The following FAT3 variants were observed in gnomAD, a reference collection of about 807,000 sequenced individuals.
FAT3 encodes FAT atypical cadherin 3, also known as protocadherin Fat 3.
A neutral mutation model predicts 310.2 loss-of-function variants in FAT3; 95 were observed. The ratio of observed to expected loss-of-function variants is 0.31; its 90% CI spans 0.26 to 0.36. The LOEUF (loss-of-function observed/expected upper bound fraction) is 0.36. Ranked by LOEUF, FAT3 falls within the 10% of genes least tolerant of loss-of-function variation. The pLI is 1.00. For missense variants in FAT3, 5,408 were observed against 5,715.6 expected, an observed-to-expected ratio of 0.95 and a Z score of 1.74; for synonymous variants, 2,314 against 2,192.9, an observed-to-expected ratio of 1.06 and a Z score of -1.54.
rs1448425486 is a variant in FAT3 at position 92,842,609 on chromosome 11, C to T, written c.10567-1325C>T. 3.9e-5 allele frequency among the ~76,000 whole-genome samples: 6 copies of T among 152,228 alleles called. No homozygotes were observed. In the East Asian group the frequency reaches 1.2e-3, roughly 29 times the overall value. On this transcript the variant is annotated intron_variant, in intron 18 of 27. Coordinates refer to ENST00000525166, the MANE Select transcript of FAT3 (RefSeq NM_001367949.2). ...AACAACAGATGGACACAGTGGCTCACACCTGTAATCCCAGTACTTTGGTAG... is the reference window on the plus strand; with the variant it reads ...AACAACAGATGGACACAGTGGCTCATACCTGTAATCCCAGTACTTTGGTAG...
Position 92,837,987 on chromosome 11 carries a change from C to T in FAT3, c.10368+181C>T, listed in dbSNP as rs144447594. ...GATGATTAATAAATGTGAGTAAGAGCTATTGAGGGGTGGATTTTTTTCAAC... is the reference window on the plus strand; with the variant it reads ...GATGATTAATAAATGTGAGTAAGAGTTATTGAGGGGTGGATTTTTTTCAAC... On this transcript the variant is annotated intron_variant, in intron 17 of 27. Transcript: ENST00000525166. 7.9e-5 allele frequency among the ~76,000 whole-genome samples: 12 copies of T among 152,242 alleles called. No homozygotes were observed. In the South Asian group the frequency reaches 1.9e-3, roughly 24 times the overall value.
chr11:92,845,915 G>A (rs954235086), intron 19 of FAT3, among the ~76,000 whole-genome samples: 1 of 152,150 alleles, frequency 6.6e-6, no homozygotes, highest in Non-Finnish European at 1.5e-5. Context: ...GCCCATCAGT[G>A]TGCCAGCTGC....
intron 2 of FAT3, among the ~76,000 whole-genome samples, chr11:92,402,477 C>G (rs577094274): frequency 6.6e-6 from 1 of 152,124 alleles, no homozygotes; most frequent in South Asian, 2.1e-4. Flanking sequence ...CACCTGTGAT[C>G]CCAACACTTT....
chr11:92,682,346 G>C (rs1943504129), intron 3 of FAT3, among the ~76,000 whole-genome samples: 1 of 152,190 alleles, frequency 6.6e-6, no homozygotes, highest in African/African-American at 2.4e-5. Flanking sequence ...AAAGCTGTGA[G>C]TTTTTAGAAG....
At chr11:92,463,418 C>T (rs1290763766) in intron 2 of FAT3, among the ~76,000 whole-genome samples, 1 of 152,108 alleles carries the variant, frequency 6.6e-6, no homozygotes, top group African/African-American at 2.4e-5. Flanking sequence ...CGTCTGTAAC[C>T]CTGGGAAACA....
Position 92,806,455 on chromosome 11 carries a change from TA to T in FAT3, c.9188del (p.Tyr3063LeufsTer16). Reference sequence around the variant, plus strand: ...GGATGCTGATATTGGATCCAATGGATATATACGATACTCACTCTATGGATCT... The same window carrying T: ...GGATGCTGATATTGGATCCAATGGATTATACGATACTCACTCTATGGATCT... ...AKDADIGSNGYIRYSLYGSGN... is the reference protein window; with the variant it reads ...AKDADIGSNGXIRYSLYGSGN... On this transcript the variant is annotated frameshift_variant, in exon 12 of 28. Transcript: ENST00000525166. LOFTEE classifies it high-confidence loss of function. 1 of 1,577,966 alleles carries T rather than the reference TA, an allele frequency of 6.3e-7. No individual in the cohort carries two copies. The highest frequency in any genetic ancestry group is 8.6e-7 in the Non-Finnish European group (1 of 1,159,908).
At position 92,256,479 on chromosome 11, in the gene FAT3, C is replaced by T. The variant is rs963803879; in HGVS notation, c.-18+31305C>T. Among the ~76,000 whole-genome samples, 9 of 151,472 alleles carry T rather than the reference C, an allele frequency of 5.9e-5. No individual in the cohort carries two copies. The East Asian group carries it at 7.8e-4, about 13-fold the overall frequency. ...ACACTGTGGGTCATAAGATAAAATT[C>T]GAGTTATTAATATTATGAACAAATA... On this transcript the variant is annotated intron_variant, in intron 1 of 27. Transcript: ENST00000525166.
intron 21 of FAT3, 41 bp downstream of exon 21, chr11:92,859,363 T>C (rs1386635931): frequency 6.7e-7 from 1 of 1,481,544 alleles, no homozygotes; most frequent in Non-Finnish European, 9.1e-7. Flanking sequence ...TCAGTTCTCA[T>C]GTTAGTGTTT....
At chr11:92,292,666 A>T (rs1414464913) in intron 1 of FAT3, among the ~76,000 whole-genome samples, 1 of 152,090 alleles carries the variant, frequency 6.6e-6, no homozygotes, top group Admixed American at 6.6e-5. Flanking sequence ...TATTTAAAAG[A>T]GGCATTTAGG....
At chr11:92,400,169 A>G (rs1949979635) in intron 2 of FAT3, 1 of 152,188 alleles carries the variant, frequency 6.6e-6, no homozygotes, top group African/African-American at 2.4e-5. Context: ...GTTGAAGCTG[A>G]ACTTTTAAAA....
chr11:92,396,913 C>T (rs1040751539), intron 2 of FAT3, among the ~76,000 whole-genome samples: 3 of 151,944 alleles, frequency 2.0e-5, no homozygotes, highest in Non-Finnish European at 2.9e-5. Flanking sequence ...CACCATGTTG[C>T]CCAGGCTGGT....
chr11:92,292,679 T>C (rs761712145), intron 1 of FAT3, among the ~76,000 whole-genome samples: 34 of 152,040 alleles, frequency 2.2e-4, no homozygotes, highest in Non-Finnish European at 4.4e-4. Context: ...CATTTAGGTG[T>C]AAGGTTCAGT....
rs766878907 is a variant in FAT3, at chr11:92,798,603, G to A, written c.5590G>A (p.Glu1864Lys). Residue 1864 changes from glutamate to lysine, a missense_variant, in exon 10 of 28, where the codon GAG becomes AAG. By Grantham distance (56) the Glu-to-Lys change is moderately conservative. This residue lies in a region of FAT3 where 4,588 missense variants were observed against 4,809.8 expected (regional missense o/e 0.95). Coordinates refer to ENST00000525166, the MANE Select transcript of FAT3 (RefSeq NM_001367949.2). Reference sequence around the variant, plus strand: ...CAGTGGTAGCCCCCAACTGACTGCAGAGAGTCCCGTTGAAGTCAACATTGA... The same window carrying A: ...CAGTGGTAGCCCCCAACTGACTGCAAAGAGTCCCGTTGAAGTCAACATTGA... ...RDSGSPQLTA[E>K]SPVEVNIEVT... 4 of 1,613,862 alleles carry A rather than the reference G, an allele frequency of 2.5e-6. No individual in the cohort carries two copies. In the South Asian group the frequency reaches 4.4e-5, roughly 18 times the overall value.
chr11:92,886,722 T>A (rs1949805351), intron 24 of FAT3: 2 of 396,852 alleles, frequency 5.0e-6, no homozygotes, highest in Non-Finnish European at 9.1e-6. Context: ...TTCACTCAGT[T>A]GCTTCACTTC....
At chr11:92,803,816 A>T (rs1482358852) in intron 10 of FAT3, among the ~76,000 whole-genome samples, 1 of 152,168 alleles carries the variant, frequency 6.6e-6, no homozygotes, top group African/African-American at 2.4e-5. Context: ...CCAGTTGAGA[A>T]CCACTGCCCC....
At chr11:92,443,604 A>G (rs574503321) in intron 2 of FAT3, among the ~76,000 whole-genome samples, 95 of 152,296 alleles carry the variant, frequency 6.2e-4, no homozygotes, top group Non-Finnish European at 1.1e-3. Flanking sequence ...TCTGGCAGAA[A>G]GTATGTATTT....
intron 2 of FAT3, among the ~76,000 whole-genome samples, chr11:92,402,363 C>T (rs563311537): frequency 2.0e-5 from 3 of 152,090 alleles, no homozygotes; most frequent in Non-Finnish European, 2.9e-5. Context: ...GCATAAATGA[C>T]GGATAATGTT....
intron 4 of FAT3, among the ~76,000 whole-genome samples, chr11:92,739,958 T>G (rs1403165044): frequency 4.6e-5 from 7 of 152,192 alleles, no homozygotes; most frequent in Admixed American, 4.6e-4. Context: ...CTTGTGGGCC[T>G]GATCTTCTGA....
rs2136410556 is a variant in FAT3 at position 92,882,907 on chromosome 11, G to A, written c.12451G>A (p.Gly4151Arg). The A allele has an allele frequency of 6.2e-7, 1 of 1,612,854 alleles. No homozygotes were observed. Among genetic ancestry groups the A allele is most frequent in the South Asian group, 1.1e-5 (1 of 90,746 alleles). The change falls in exon 24 of 28, where the codon GGG becomes AGG. Residue 4151 changes from glycine (G) to arginine (R), a missense_variant. By Grantham distance (125) the Gly-to-Arg change is moderately radical. Transcript: ENST00000525166. ...PNIQAGHSYV[G>R]KEELIGIAVV... ...TATCCAGGCTGGCCACTCCTACGTG[G>A]GGAAGGAGGAGCTCATCGGCATCGC...
Sources: allele counts gnomAD v4.1 joint callset (sites outside exome capture counted in the v4.1 genomes callset), GRCh38; gene constraint gnomAD v4.1.1; regional missense constraint gnomAD v4.1.1; transcripts MANE v1.5; gene names NCBI Gene and HGNC (gene_info 2026-07-23, HGNC 2026-07-21).